MATN2: variants seen among roughly 807,000 people sequenced by gnomAD.
MATN2 encodes matrilin 2, also known as matrilin-2.
In MATN2, 69 loss-of-function variants were observed where a neutral mutation model predicts 103.2. That is an observed-to-expected ratio of 0.67 (90% CI 0.55 to 0.82). MATN2 has a LOEUF of 0.82. MATN2 is among the 40% of genes least tolerant of loss of function. The probability of loss-of-function intolerance (pLI) is 0.00; values close to 1 mark genes in which losing one functional copy is unlikely to be tolerated. For missense variants in MATN2, 1,023 were observed against 1,211.5 expected (o/e 0.84, Z 2.31); for synonymous variants, 429 against 450.2 (o/e 0.95, Z 0.60).
chr8:97,919,633 C>A (rs1435288799), intron 2 of MATN2, among the ~76,000 whole-genome samples: 1 of 152,202 alleles, frequency 6.6e-6, no homozygotes, highest in African/African-American at 2.4e-5. Context: ...CATTCCAGCT[C>A]ATGGCAGGGT....
At chr8:97,870,163 A>G (rs199755662) in intron 1 of MATN2, among the ~76,000 whole-genome samples, 2 of 152,160 alleles carry the variant, frequency 1.3e-5, no homozygotes, top group East Asian at 3.9e-4. Flanking sequence ...GTACCCAAGT[A>G]TGCCTCAGTT....
intron 10 of MATN2, among the ~76,000 whole-genome samples, chr8:98,013,486 T>G (rs1813245366): frequency 6.6e-6 from 1 of 152,208 alleles, no homozygotes; most frequent in Admixed American, 6.5e-5. Context: ...TTCCTTTTGT[T>G]CAACAGGTCT....
intron 1 of MATN2, among the ~76,000 whole-genome samples, chr8:97,877,486 A>C (rs1445691340): frequency 6.6e-6 from 1 of 151,666 alleles, no homozygotes; most frequent in Non-Finnish European, 1.5e-5. Flanking sequence ...TCAAAAAAAA[A>C]ACTTTTTTTT....
At chr8:97,972,595 C>CTA (rs1330818691) in intron 5 of MATN2, among the ~76,000 whole-genome samples, 1 of 152,220 alleles carries the variant, frequency 6.6e-6, no homozygotes, top group African/African-American at 2.4e-5. Flanking sequence ...CTGCTAATGC[C>CTA]ATTCCCTTGC....
intron 6 of MATN2, among the ~76,000 whole-genome samples, chr8:97,986,937 A>G (rs984077659): frequency 4.6e-5 from 7 of 151,542 alleles, no homozygotes; most frequent in African/African-American, 1.7e-4. Flanking sequence ...GGTTCACGCC[A>G]TTCTCCTGCC....
At chr8:97,911,920 C>T (rs961803498) in intron 2 of MATN2, among the ~76,000 whole-genome samples, 1 of 152,142 alleles carries the variant, frequency 6.6e-6, no homozygotes, top group Non-Finnish European at 1.5e-5. Flanking sequence ...AGGCACTATT[C>T]TAAGTACACA....
At chr8:98,030,368 A>T in intron 14 of MATN2, 94 bp from the exon 15 acceptor site, 1 of 918,646 alleles carries the variant, frequency 1.1e-6, no homozygotes, top group Non-Finnish European at 1.7e-6. Context: ...CATACCACTT[A>T]ACATCTAACT....
rs556327640 is a variant in MATN2, at chr8:97,888,258, C to T, written c.142+16C>T. ...GCCCTTCTGGGTGAGTGGTGGTGCT[C>T]ACCCCCAAAAGTGGGCAGGTGGGGG... On this transcript the variant is annotated intron_variant, in intron 2 of 18. Coordinates refer to ENST00000254898, the MANE Select transcript of MATN2 (RefSeq NM_002380.5). 16 of 1,527,100 alleles carry T rather than the reference C, an allele frequency of 1.0e-5. No homozygotes were observed. The Admixed American group carries it at 2.6e-4, about 24-fold the overall frequency. The allele number at this position is 1,527,100 out of a possible 1,614,324, so 94.6% of individuals were successfully genotyped here.
chr8:97,988,189 TACACACACAC>T (rs58039452), intron 6 of MATN2, among the ~76,000 whole-genome samples: 2 of 54,964 alleles, frequency 3.6e-5, no homozygotes, highest in Non-Finnish European at 7.3e-5. Context: ...TATATATATA[TACACACACAC>T]ACATATGTAT....
Position 98,007,331 on chromosome 8 carries a change from C to A in MATN2, c.1450+104C>A. 1 of 1,567,966 alleles carries A rather than the reference C, an allele frequency of 6.4e-7. No individual in the cohort carries two copies. Among genetic ancestry groups the A allele is most frequent in the East Asian group, 2.3e-5 (1 of 44,150 alleles). The stretch of plus-strand genomic sequence containing the variant: ...TGTACTTGGGCACCCCTCCCCTGCC[C>A]CTTGCTCTGCTCCAGGAGATAGTGA... On this transcript the variant is annotated intron_variant, in intron 9 of 18. Transcript: ENST00000254898. This position sits in a 1 kb window ranked among gnomAD's most constrained non-coding sequence, Gnocchi z 4.2.
At chr8:97,899,513 C>T (rs1818917253) in intron 2 of MATN2, among the ~76,000 whole-genome samples, 1 of 152,184 alleles carries the variant, frequency 6.6e-6, no homozygotes, top group South Asian at 2.1e-4. Context: ...TTGGTTTCTT[C>T]TGAGCCCTCT....
intron 7 of MATN2, among the ~76,000 whole-genome samples, chr8:98,000,246 T>G (rs542366130): frequency 6.6e-6 from 1 of 152,206 alleles, no homozygotes; most frequent in South Asian, 2.1e-4. Flanking sequence ...CCATTTTTAC[T>G]AGCAGTGGAT....
chr8:97,891,098 G>A (rs575542335), intron 2 of MATN2, among the ~76,000 whole-genome samples: 2 of 152,218 alleles, frequency 1.3e-5, no homozygotes, highest in African/African-American at 2.4e-5. Context: ...GCCAGATGCC[G>A]GTTGGGGGTG....
intron 7 of MATN2, among the ~76,000 whole-genome samples, chr8:97,996,935 T>G (rs1181894105): frequency 4.6e-5 from 7 of 152,216 alleles, no homozygotes; most frequent in Admixed American, 3.9e-4. Context: ...TTAAAGGAAT[T>G]TGATGTCATC....
chr8:97,936,082 G>T (rs917461930), intron 3 of MATN2, among the ~76,000 whole-genome samples: 2 of 152,134 alleles, frequency 1.3e-5, no homozygotes, highest in African/African-American at 4.8e-5. Flanking sequence ...GCATTCTCAG[G>T]CCACCCTTGA....
chr8:97,992,932 A>C (rs1475367140), intron 6 of MATN2, among the ~76,000 whole-genome samples: 3 of 106,614 alleles, frequency 2.8e-5, no homozygotes, highest in Non-Finnish European at 5.2e-5. Context: ...AACAAACAAT[A>C]ATAATAATAA....
chr8:97,982,026 C>T lies in MATN2; in HGVS notation c.1081+3018C>T, dbSNP rs1011683304. ...TCAGAATCAAGATCCAGAAGTGGGCCGCCCCAATGCGTGTGCAGGGAAGAG... is the reference window on the plus strand; with the variant it reads ...TCAGAATCAAGATCCAGAAGTGGGCTGCCCCAATGCGTGTGCAGGGAAGAG... On this transcript the variant is annotated intron_variant, in intron 6 of 18. Coordinates refer to ENST00000254898, the MANE Select transcript of MATN2 (RefSeq NM_002380.5). The surrounding 1 kb of genome is among the most constrained non-coding windows in gnomAD (Gnocchi z 4.3). Among the ~76,000 whole-genome samples, 4 of 152,198 alleles carry T rather than the reference C, an allele frequency of 2.6e-5. No individual in the cohort carries two copies. Among genetic ancestry groups the T allele is most frequent in the Admixed American group, 2.0e-4 (3 of 15,280 alleles).
intron 7 of MATN2, among the ~76,000 whole-genome samples, chr8:98,000,931 T>G (rs1222009567): frequency 2.0e-5 from 3 of 151,982 alleles, no homozygotes; most frequent in African/African-American, 7.3e-5. Flanking sequence ...ATCTACGAGG[T>G]CACAAAAGAT....
chr8:97,943,467 T>C (rs576562744), intron 4 of MATN2, among the ~76,000 whole-genome samples: 7 of 145,636 alleles, frequency 4.8e-5, no homozygotes, highest in African/African-American at 8.4e-5. Context: ...TCCTCCTCCT[T>C]CTTCTTCTTT....
Sources: gnomAD v4.1 joint callset for allele counts (sites outside exome capture counted in the v4.1 genomes callset) on GRCh38, gnomAD v4.1.1 for gene constraint, Gnocchi (gnomAD v3.1) non-coding constraint, MANE v1.5 for transcripts, NCBI Gene and HGNC (gene_info 2026-07-23, HGNC 2026-07-21) for gene names.